Variants in PPP1R16B observed in about 807,000 individuals in gnomAD.
PPP1R16B encodes protein phosphatase 1 regulatory subunit 16B.
A neutral mutation model predicts 61.7 loss-of-function variants in PPP1R16B; 14 were observed. That is an observed-to-expected ratio of 0.23 (90% CI 0.15 to 0.35). The LOEUF (loss-of-function observed/expected upper bound fraction) is 0.35, where lower values mean the gene tolerates loss of function less well. Among genes scored for constraint, PPP1R16B ranks in the 10% least tolerant of loss-of-function variants. PPP1R16B has a pLI of 1.00. For missense variants in PPP1R16B, 547 were observed against 752.5 expected, an observed-to-expected ratio of 0.73 and a Z score of 3.19; for synonymous variants, 266 against 305.3, an observed-to-expected ratio of 0.87 and a Z score of 1.34.
chr20:38,888,078 A>G (rs987926552), intron 2 of PPP1R16B, among the ~76,000 whole-genome samples: 1 of 152,126 alleles, frequency 6.6e-6, no homozygotes, highest in South Asian at 2.1e-4. Flanking sequence ...TGCCCAGCTC[A>G]CTTCTAATTT....
chr20:38,898,420 A>G (rs1285467266), intron 4 of PPP1R16B, among the ~76,000 whole-genome samples: 2 of 152,160 alleles, frequency 1.3e-5, no homozygotes, highest in Non-Finnish European at 2.9e-5. Context: ...GGAAGTGTGA[A>G]TCCGCCAGCT....
intron 10 of PPP1R16B, among the ~76,000 whole-genome samples, chr20:38,913,644 C>T (rs1411148939): frequency 6.6e-6 from 1 of 152,090 alleles, no homozygotes; most frequent in Non-Finnish European, 1.5e-5. Flanking sequence ...ACAGAATTGG[C>T]AAGATCTTGG....
rs558386095 is a variant in PPP1R16B, at chr20:38,894,061, C to T, written c.322-1504C>T. On this transcript the variant is annotated intron_variant, in intron 3 of 10. Coordinates refer to ENST00000299824, the MANE Select transcript of PPP1R16B (RefSeq NM_015568.4). ...CACCCACTCGCTTACAGGGTCACAC[C>T]TTTCCCTGCCTGTCCGGAGAGAATG... Among the ~76,000 whole-genome samples, 12 of 152,326 alleles carry T rather than the reference C, an allele frequency of 7.9e-5. No homozygotes were observed. The South Asian group carries it at 2.1e-3, about 26-fold the overall frequency.
At chr20:38,825,855 C>T (rs1229399279) in intron 1 of PPP1R16B, among the ~76,000 whole-genome samples, 1 of 152,234 alleles carries the variant, frequency 6.6e-6, no homozygotes, top group Non-Finnish European at 1.5e-5. Context: ...AACAGAATTG[C>T]GTACTCAGTG....
intron 10 of PPP1R16B, among the ~76,000 whole-genome samples, chr20:38,912,587 A>G (rs1330349805): frequency 6.7e-6 from 1 of 149,816 alleles, no homozygotes; most frequent in African/African-American, 2.5e-5. Context: ...AGGCAGGAGG[A>G]TTGCTTGAGT....
rs2084824206 is a variant in PPP1R16B, at chr20:38,829,538, G to GA, written c.-101-6286dup. Among the ~76,000 whole-genome samples the GA allele has an allele frequency of 3.9e-5, 6 of 152,316 alleles. No individual in the cohort carries two copies. The South Asian group carries it at 1.2e-3, about 32-fold the overall frequency. The stretch of plus-strand genomic sequence containing the variant: ...TCCTCCAAATGAGGTCTTCCTTGGG[G>GA]ATCCCCTTTAAGTCTTGATGATAAC... On this transcript the variant is annotated intron_variant, in intron 1 of 10. Coordinates refer to ENST00000299824, the MANE Select transcript of PPP1R16B (RefSeq NM_015568.4).
intron 1 of PPP1R16B, among the ~76,000 whole-genome samples, chr20:38,820,546 G>C (rs1014457936): frequency 6.7e-6 from 1 of 150,102 alleles, no homozygotes; most frequent in Non-Finnish European, 1.5e-5. Context: ...CAACAAGAAC[G>C]AAACTTCGTC....
intron 1 of PPP1R16B, among the ~76,000 whole-genome samples, chr20:38,832,651 G>T (rs2084844763): frequency 1.3e-5 from 2 of 152,150 alleles, no homozygotes; most frequent in Non-Finnish European, 2.9e-5. Flanking sequence ...AGGCGCGGGG[G>T]CTCACGCCTG....
At position 38,907,882 on chromosome 20, in the gene PPP1R16B, G is replaced by T; in HGVS notation, c.975G>T (p.Gln325His). ...AGCATGATGTGATCATGAAGTCACA[G>T]CTGAGGCACAAGTCATCCTTGAGCC... ...KHKHDVIMKS[Q>H]LRHKSSLSRR... Residue 325 changes from glutamine to histidine, a missense_variant, in exon 9 of 11, where the codon CAG (glutamine) becomes CAT (histidine). Coordinates refer to ENST00000299824, the MANE Select transcript of PPP1R16B (RefSeq NM_015568.4). The surrounding 1 kb of genome is among the most constrained non-coding windows in gnomAD (Gnocchi z 4.5). The T allele has an allele frequency of 6.2e-7, 1 of 1,614,248 alleles. No homozygotes were observed. Among genetic ancestry groups the T allele is most frequent in the Non-Finnish European group, 8.5e-7 (1 of 1,180,046 alleles).
At chr20:38,871,138 C>T (rs890110931) in intron 2 of PPP1R16B, among the ~76,000 whole-genome samples, 3 of 152,110 alleles carry the variant, frequency 2.0e-5, no homozygotes, top group South Asian at 2.1e-4. Context: ...ACCCTAAAGC[C>T]GCAAGCTCAA....
chr20:38,859,888 T>C (rs1568664766), intron 2 of PPP1R16B, among the ~76,000 whole-genome samples: 1 of 152,226 alleles, frequency 6.6e-6, no homozygotes, highest in Non-Finnish European at 1.5e-5. Flanking sequence ...ATCCAATATA[T>C]CCAAAATGTC....
intron 3 of PPP1R16B, among the ~76,000 whole-genome samples, chr20:38,893,513 G>A (rs1334318457): frequency 1.3e-5 from 2 of 151,178 alleles, no homozygotes; most frequent in African/African-American, 4.8e-5. Flanking sequence ...AGAGGGTGGG[G>A]ACAGCGATTT....
intron 2 of PPP1R16B, among the ~76,000 whole-genome samples, chr20:38,842,118 G>A (rs2084912301): frequency 6.6e-6 from 1 of 152,216 alleles, no homozygotes; most frequent in African/African-American, 2.4e-5. Context: ...CAGGTTTTAA[G>A]TGTCAGACTC....
At chr20:38,881,187 A>G (rs2085201166) in intron 2 of PPP1R16B, among the ~76,000 whole-genome samples, 1 of 152,198 alleles carries the variant, frequency 6.6e-6, no homozygotes, top group Non-Finnish European at 1.5e-5. Flanking sequence ...AGAAACCACC[A>G]TGCAACTTGA....
At chr20:38,908,264 TGC>T in intron 10 of PPP1R16B, 71 bp downstream of exon 10, 1 of 1,572,716 alleles carries the variant, frequency 6.4e-7, no homozygotes, top group Non-Finnish European at 8.7e-7. Flanking sequence ...AGCCTGGCCT[TGC>T]CTCTTCAACT....
intron 4 of PPP1R16B, among the ~76,000 whole-genome samples, chr20:38,898,938 G>A (rs1486612883): frequency 6.6e-6 from 1 of 152,164 alleles, no homozygotes; most frequent in Non-Finnish European, 1.5e-5. Flanking sequence ...TGGGCACTGG[G>A]CACACAGGGA....
intron 6 of PPP1R16B, among the ~76,000 whole-genome samples, chr20:38,903,532 A>ACCATCCATCCATCCATCCATCCAT (rs375386185): frequency 6.9e-6 from 1 of 145,328 alleles, no homozygotes; most frequent in Non-Finnish European, 1.5e-5. Flanking sequence ...GGTCCATCCA[A>ACCATCCATCCATCCATCCATCCAT]CCATCCATCC....
At chr20:38,844,361 T>C (rs1175848313) in intron 2 of PPP1R16B, among the ~76,000 whole-genome samples, 2 of 152,194 alleles carry the variant, frequency 1.3e-5, no homozygotes, top group African/African-American at 4.8e-5. Context: ...ATGCTGTCAG[T>C]TGTGAGAAGA....
chr20:38,887,807 A>C (rs2085257286), intron 2 of PPP1R16B, among the ~76,000 whole-genome samples: 1 of 152,190 alleles, frequency 6.6e-6, no homozygotes, highest in Non-Finnish European at 1.5e-5. Flanking sequence ...TGGAGATGCC[A>C]CCTCTTACTG....
Sources: gnomAD v4.1 joint callset for allele counts (sites outside exome capture counted in the v4.1 genomes callset) on GRCh38, gnomAD v4.1.1 for gene constraint, Gnocchi (gnomAD v3.1) non-coding constraint, MANE v1.5 for transcripts, NCBI Gene and HGNC (gene_info 2026-07-23, HGNC 2026-07-21) for gene names.